The following NLGN4X variants were observed in gnomAD, a reference collection of about 807,000 sequenced individuals.
The protein encoded by NLGN4X is neuroligin 4 X-linked.
A neutral mutation model predicts 40.3 loss-of-function variants in NLGN4X; 3 were observed. The observed-to-expected ratio is 0.07, with a 90% confidence interval of 0.03 to 0.19. The LOEUF is 0.19. Among genes scored for constraint, NLGN4X ranks in the 10% least tolerant of loss-of-function variants. The pLI, the probability that NLGN4X is intolerant of heterozygous loss-of-function variation, is 1.00. For missense variants in NLGN4X, 382 were observed against 708.3 expected (o/e 0.54, Z 5.23); for synonymous variants, 270 against 306.8 (o/e 0.88, Z 1.25).
intron 2 of NLGN4X, among the ~76,000 whole-genome samples, chrX:6,139,707 T>A (rs1174815372): frequency 2.7e-5 from 3 of 111,726 alleles, no homozygotes; most frequent in African/African-American, 9.8e-5. Flanking sequence ...ACACTGCTTT[T>A]GATGAAACGT....
rs181445480 is a variant in NLGN4X, at chrX:6,224,752, A to G, written c.-306+3789T>C. On this transcript the variant is annotated intron_variant, in intron 1 of 5. Coordinates refer to ENST00000381095, the MANE Select transcript of NLGN4X (RefSeq NM_181332.3). Reference sequence around the variant, plus strand: ...TAGTTTATTTAAATAAAACGCAAAGAAAAGTAGCAATTCTTCCACTGGAGA... The same window carrying G: ...TAGTTTATTTAAATAAAACGCAAAGGAAAGTAGCAATTCTTCCACTGGAGA... Among the ~76,000 whole-genome samples the G allele has an allele frequency of 1.6e-4, 17 of 109,076 alleles. No individual in the cohort carries two copies. The East Asian group carries it at 4.6e-3, about 30-fold the overall frequency. 94.7% of individuals were successfully genotyped at this position (109,076 alleles called of 115,157 possible).
intron 3 of NLGN4X, among the ~76,000 whole-genome samples, chrX:5,952,227 C>G: frequency 2.7e-5 from 3 of 111,338 alleles, no homozygotes; most frequent in Non-Finnish European, 5.7e-5. Flanking sequence ...TCTTGGAAGA[C>G]GAGGAGATGG....
At chrX:6,031,241 A>G in intron 2 of NLGN4X, among the ~76,000 whole-genome samples, 1 of 111,987 alleles carries the variant, frequency 8.9e-6, no homozygotes, top group East Asian at 2.8e-4. Context: ...TTAGAGCAGT[A>G]TAAGATATGA....
chrX:6,222,712 T>C (rs1023481070), intron 1 of NLGN4X, among the ~76,000 whole-genome samples: 1 of 112,626 alleles, frequency 8.9e-6, no homozygotes, highest in Non-Finnish European at 1.9e-5. Flanking sequence ...TCATCTTGGA[T>C]TGTAGCTCCC....
chrX:6,004,346 T>C (rs958572761), intron 3 of NLGN4X, among the ~76,000 whole-genome samples: 3 of 112,275 alleles, frequency 2.7e-5, no homozygotes, highest in African/African-American at 9.7e-5. Flanking sequence ...TGTGATCCCA[T>C]GTTCTGTCAT....
chrX:6,210,240 GTT>G (rs770162937), intron 1 of NLGN4X, among the ~76,000 whole-genome samples: 5,217 of 81,392 alleles, frequency 0.064, 389 homozygotes, highest in African/African-American at 0.27. Flanking sequence ...GTGTGCGCCC[GTT>G]TGTGTGTGTG....
At position 5,955,800 on chromosome X, in the gene NLGN4X, G is replaced by A. The variant is rs186614915; in HGVS notation, c.626-46561C>T. Among the ~76,000 whole-genome samples the A allele has an allele frequency of 2.9e-3, 221 of 76,585 alleles. 1 individual carries two copies. Among genetic ancestry groups the A allele is most frequent in the African/African-American group, 8.1e-3 (158 of 19,572 alleles). The allele number at this position is 76,585 out of a possible 115,157, so 66.5% of individuals were successfully genotyped here. On this transcript the variant is annotated intron_variant, in intron 3 of 5. Transcript: ENST00000381095. ...TATTTGTTAGATTAAAGGAAAAAAG[G>A]AGAAACAACCACACTAAAAAAAAAA...
intron 3 of NLGN4X, among the ~76,000 whole-genome samples, chrX:6,008,862 C>T (rs776891741): frequency 2.6e-4 from 29 of 111,873 alleles, no homozygotes; most frequent in Non-Finnish European, 4.9e-4. Context: ...GCCTCTCAGC[C>T]GCACACAAAC....
intron 1 of NLGN4X, among the ~76,000 whole-genome samples, chrX:6,160,496 C>G (rs2040361409): frequency 9.2e-6 from 1 of 109,173 alleles, no homozygotes; most frequent in Admixed American, 9.9e-5. Flanking sequence ...AGAGTTTGTA[C>G]TTTAACTTAT....
intron 1 of NLGN4X, among the ~76,000 whole-genome samples, chrX:6,214,228 G>C (rs949514872): frequency 2.7e-5 from 3 of 111,589 alleles, no homozygotes; most frequent in Non-Finnish European, 5.6e-5. Flanking sequence ...TAACACATCT[G>C]CAAGTCCTTA....
intron 3 of NLGN4X, among the ~76,000 whole-genome samples, chrX:5,984,648 A>G (rs1569168973): frequency 8.9e-6 from 1 of 112,359 alleles, no homozygotes; most frequent in East Asian, 2.8e-4. Flanking sequence ...TGCAGAAAAT[A>G]TATTATTTTT....
In NLGN4X at chrX:5,890,302, C is replaced by T; in HGVS notation, c.*2515G>A. The T allele has an allele frequency of 6.3e-6, 1 of 158,060 alleles. No individual in the cohort carries two copies. 13.0% of individuals were successfully genotyped at this position (158,060 alleles called of 1,213,427 possible). On this transcript the variant is annotated 3_prime_UTR_variant, in exon 6 of 6. Coordinates refer to ENST00000381095, the MANE Select transcript of NLGN4X (RefSeq NM_181332.3). ...TATAGATAGCAAGTATATTTTTTCT[C>T]ATAGAACTCTATGAAGATTCTATAA...
intron 3 of NLGN4X, among the ~76,000 whole-genome samples, chrX:5,994,562 C>T (rs149117578): frequency 0.016 from 1,749 of 112,102 alleles, 30 homozygotes; most frequent in African/African-American, 0.054. Context: ...TGAAGAACTA[C>T]GCTACCAACC....
At chrX:5,958,057 G>A (rs975825416) in intron 3 of NLGN4X, among the ~76,000 whole-genome samples, 5 of 111,582 alleles carry the variant, frequency 4.5e-5, no homozygotes, top group East Asian at 5.6e-4. Flanking sequence ...TTCTCCCAGC[G>A]AACAAACTTC....
chrX:6,227,430 T>G (rs1429429319), intron 1 of NLGN4X, among the ~76,000 whole-genome samples: 2 of 106,827 alleles, frequency 1.9e-5, no homozygotes, highest in East Asian at 6.0e-4. Context: ...CGGTAGTCTG[T>G]CCTCGCAGCT....
At position 6,082,948 on chromosome X, in the gene NLGN4X, G is replaced by GTTTTTTTTTT. The variant is rs930625574; in HGVS notation, c.473-53517_473-53516insAAAAAAAAAA. Reference sequence around the variant, plus strand: ...AAAAAAAGAGATTTTGCCATGATGCGTTTTTTTCTTTTTTTTTTTTTTTTT... The same window carrying GTTTTTTTTTT: ...AAAAAAAGAGATTTTGCCATGATGCGTTTTTTTTTTTTTTTTTCTTTTTTTTTTTTTTTTT... On this transcript the variant is annotated intron_variant, in intron 2 of 5. Transcript: ENST00000381095. Among the ~76,000 whole-genome samples the GTTTTTTTTTT allele has an allele frequency of 2.0e-3, 142 of 70,339 alleles. 11 individuals are homozygous for GTTTTTTTTTT. The highest frequency in any genetic ancestry group is 3.0e-3 in the Non-Finnish European group (101 of 34,161). 61.1% of individuals were successfully genotyped at this position (70,339 alleles called of 115,157 possible).
chrX:6,151,639 T>C lies in NLGN4X; in HGVS notation c.-173A>G, dbSNP rs188480612. ...AGGTTAAGAACAAGCACAGCCGTTT[T>C]CTTGGCAGCCCATTGCAAGGAGGCA... On this transcript the variant is annotated 5_prime_UTR_variant, in exon 2 of 6. Transcript: ENST00000381095. 10 of 468,927 alleles carry C rather than the reference T, an allele frequency of 2.1e-5. No homozygotes were observed. The East Asian group carries it at 3.0e-4, about 14-fold the overall frequency. 38.6% of individuals were successfully genotyped at this position (468,927 alleles called of 1,213,427 possible). A position where few individuals can be genotyped will look rare whatever the true frequency, so the allele number is the denominator to read the frequency against.
At chrX:6,088,649 A>T (rs889548809) in intron 2 of NLGN4X, among the ~76,000 whole-genome samples, 4 of 112,056 alleles carry the variant, frequency 3.6e-5, no homozygotes, top group African/African-American at 9.7e-5. Flanking sequence ...AGGGATTAAA[A>T]CTAGAAAGAG....
chrX:6,015,886 C>G (rs1292157361), intron 3 of NLGN4X, among the ~76,000 whole-genome samples: 1 of 111,459 alleles, frequency 9.0e-6, no homozygotes, highest in Non-Finnish European at 1.9e-5. Context: ...AGTCATTGGT[C>G]AATGAGGCTG....
Sources: gnomAD v4.1 joint callset for allele counts (sites outside exome capture counted in the v4.1 genomes callset) on GRCh38, gnomAD v4.1.1 for gene constraint, MANE v1.5 for transcripts, NCBI Gene and HGNC (gene_info 2026-07-23, HGNC 2026-07-21) for gene names.